Variants in RSRC1 observed in about 807,000 individuals in gnomAD.
The protein encoded by RSRC1 is serine/Arginine-related protein 53.
RSRC1 carries 39 observed loss-of-function variants against 49.1 expected under a neutral mutation model. The ratio of observed to expected loss-of-function variants is 0.79; its 90% CI spans 0.61 to 1.04. The LOEUF is 1.04. RSRC1 is among the 50% of genes least tolerant of loss of function. The pLI is 0.00. For missense variants in RSRC1, 388 were observed against 402.4 expected (o/e 0.96, Z 0.31); for synonymous variants, 143 against 130.8 (o/e 1.09, Z -0.63).
chr3:158,487,976 T>TAAAAAAAAAAAAAG (rs1738899960), intron 7 of RSRC1, among the ~76,000 whole-genome samples: 1 of 38,246 alleles, frequency 2.6e-5, no homozygotes, highest in Non-Finnish European at 5.4e-5. Flanking sequence ...AAAAAAAAAC[T>TAAAAAAAAAAAAAG]GGCTGAATGG....
At chr3:158,164,236 C>G (rs1423313156) in intron 3 of RSRC1, among the ~76,000 whole-genome samples, 1 of 151,862 alleles carries the variant, frequency 6.6e-6, no homozygotes, top group African/African-American at 2.4e-5. Context: ...TGAGCAAACG[C>G]AAATTACAGA....
chr3:158,129,401 G>T (rs886129325), intron 3 of RSRC1, among the ~76,000 whole-genome samples: 1 of 144,470 alleles, frequency 6.9e-6, no homozygotes, highest in Non-Finnish European at 1.5e-5. Context: ...AGTGATTCTC[G>T]TGCCTCAGCC....
chr3:158,271,428 C>G (rs768086188), intron 4 of RSRC1, among the ~76,000 whole-genome samples: 14 of 152,100 alleles, frequency 9.2e-5, no homozygotes, highest in Non-Finnish European at 1.9e-4. Flanking sequence ...TTGATGGATA[C>G]AGGCCTGCAT....
chr3:158,377,743 T>C (rs1732453236), intron 6 of RSRC1, among the ~76,000 whole-genome samples: 1 of 151,106 alleles, frequency 6.6e-6, no homozygotes, highest in African/African-American at 2.4e-5. Flanking sequence ...CACTGCAACC[T>C]CCGCCCCCTG....
intron 4 of RSRC1, among the ~76,000 whole-genome samples, chr3:158,255,564 A>G (rs920149474): frequency 2.6e-5 from 4 of 152,138 alleles, no homozygotes; most frequent in South Asian, 2.1e-4. Flanking sequence ...TTTTGGTTCC[A>G]TATGGACTTA....
At position 158,197,494 on chromosome 3, in the gene RSRC1, A is replaced by G. The variant is rs139532016; in HGVS notation, c.321-5578A>G. On this transcript the variant is annotated intron_variant, in intron 3 of 9. Coordinates refer to ENST00000611884, the MANE Select transcript of RSRC1 (RefSeq NM_001271838.2). ...TTTTTTGAAGGGATTTTTTGTCTCT[A>G]TCTCCTTCAGTTCTGCTCTGATGTT... 4.2e-4 allele frequency among the ~76,000 whole-genome samples: 64 copies of G among 151,998 alleles called. 1 individual carries two copies. The highest frequency in any genetic ancestry group is 1.2e-3 in the Admixed American group (19 of 15,266).
chr3:158,410,211 G>A (rs1206015011), intron 6 of RSRC1, among the ~76,000 whole-genome samples: 1 of 152,036 alleles, frequency 6.6e-6, no homozygotes, highest in Non-Finnish European at 1.5e-5. Context: ...AGCTTCCATG[G>A]TTTGCTCATG....
At chr3:158,211,202 G>A (rs539784783) in intron 4 of RSRC1, among the ~76,000 whole-genome samples, 2 of 151,864 alleles carry the variant, frequency 1.3e-5, no homozygotes, top group African/African-American at 4.8e-5. Flanking sequence ...CTGAGTTGTA[G>A]TGTAATGGAA....
chr3:158,412,616 G>A (rs557205440), intron 6 of RSRC1, among the ~76,000 whole-genome samples: 67 of 152,172 alleles, frequency 4.4e-4, no homozygotes, highest in African/African-American at 1.5e-3. Context: ...TACATGGTAA[G>A]CACCTCACTA....
intron 3 of RSRC1, among the ~76,000 whole-genome samples, chr3:158,144,242 G>A (rs9846988): frequency 0.59 from 90,054 of 151,852 alleles, 26,958 homozygotes; most frequent in East Asian, 0.71. Context: ...CCATTAACTC[G>A]TCATTTACAT....
intron 3 of RSRC1, among the ~76,000 whole-genome samples, chr3:158,184,282 GA>G (rs59422201): frequency 0.57 from 83,419 of 146,110 alleles, 23,660 homozygotes; most frequent in East Asian, 0.8. Flanking sequence ...TATGGTTTAT[GA>G]AAAAAAAAAA....
At chr3:158,508,860 C>T (rs940187117) in intron 7 of RSRC1, among the ~76,000 whole-genome samples, 1 of 152,148 alleles carries the variant, frequency 6.6e-6, no homozygotes, top group Admixed American at 6.5e-5. Flanking sequence ...AGGTCTTGCT[C>T]TGTTGCCCAG....
In RSRC1 at chr3:158,223,823, C is replaced by G. The variant is rs557675299; in HGVS notation, c.494+20578C>G. Among the ~76,000 whole-genome samples the G allele has an allele frequency of 7.2e-5, 11 of 151,802 alleles. No individual in the cohort carries two copies. The South Asian group carries it at 2.3e-3, about 31-fold the overall frequency. ...ACACTGTTCTTTCCATTCTCTAGACCTTTGCAATTGTTGTTGCCTCTGTTT... is the reference window on the plus strand; with the variant it reads ...ACACTGTTCTTTCCATTCTCTAGACGTTTGCAATTGTTGTTGCCTCTGTTT... On this transcript the variant is annotated intron_variant, in intron 4 of 9. Transcript: ENST00000611884.
chr3:158,375,284 C>A (rs1732302197), intron 6 of RSRC1, among the ~76,000 whole-genome samples: 2 of 151,454 alleles, frequency 1.3e-5, no homozygotes, highest in Admixed American at 6.6e-5. Flanking sequence ...GCAGCCTCGA[C>A]CTCCTGGACT....
chr3:158,176,246 A>T lies in RSRC1; in HGVS notation c.321-26826A>T, dbSNP rs367691343. Among the ~76,000 whole-genome samples the T allele has an allele frequency of 1.1e-4, 17 of 152,354 alleles. No individual in the cohort carries two copies. The South Asian group carries it at 2.3e-3, about 20-fold the overall frequency. On this transcript the variant is annotated intron_variant, in intron 3 of 9. Transcript: ENST00000611884. Reference sequence around the variant, plus strand: ...ACTGCCCAAGGTAATTTATAGATTCAGTGCCATCCCCATCAAGTTACCAAT... The same window carrying T: ...ACTGCCCAAGGTAATTTATAGATTCTGTGCCATCCCCATCAAGTTACCAAT...
chr3:158,451,388 A>G (rs1431483166), intron 6 of RSRC1, among the ~76,000 whole-genome samples: 2 of 152,148 alleles, frequency 1.3e-5, no homozygotes, highest in East Asian at 3.9e-4. Context: ...ATATACACAA[A>G]CAGCAGCTAT....
intron 6 of RSRC1, among the ~76,000 whole-genome samples, chr3:158,452,745 C>T (rs1017109495): frequency 2.6e-5 from 4 of 152,150 alleles, no homozygotes; most frequent in African/African-American, 7.2e-5. Context: ...TATATTAGAG[C>T]ATCACGAAAC....
intron 3 of RSRC1, among the ~76,000 whole-genome samples, chr3:158,168,618 A>G (rs1019727391): frequency 1.3e-5 from 2 of 152,168 alleles, no homozygotes; most frequent in African/African-American, 4.8e-5. Flanking sequence ...GATGGTGGAC[A>G]TAGTTGAGAA....
intron 6 of RSRC1, among the ~76,000 whole-genome samples, chr3:158,428,710 C>T (rs1735601038): frequency 2.6e-5 from 4 of 151,766 alleles, no homozygotes; most frequent in Admixed American, 2.6e-4. Context: ...GGCTAGAAAG[C>T]AAAAATCTAC....
Sources: allele counts gnomAD v4.1 joint callset (sites outside exome capture counted in the v4.1 genomes callset), GRCh38; gene constraint gnomAD v4.1.1; transcripts MANE v1.5; gene names NCBI Gene and HGNC (gene_info 2026-07-23, HGNC 2026-07-21).